Variants in PNKD observed in about 807,000 individuals in gnomAD.
PNKD encodes probable thioesterase PNKD.
PNKD carries 36 observed loss-of-function variants against 45.3 expected under a neutral mutation model. The observed-to-expected ratio is 0.80, with a 90% confidence interval of 0.61 to 1.05. PNKD has a LOEUF of 1.05. PNKD is among the 50% of genes least tolerant of loss of function. The probability of loss-of-function intolerance (pLI) is 0.00; values close to 1 mark genes in which losing one functional copy is unlikely to be tolerated. For missense variants in PNKD, 511 were observed against 506.6 expected (o/e 1.01, Z -0.08); for synonymous variants, 197 against 210.1 (o/e 0.94, Z 0.54).
intron 2 of PNKD, among the ~76,000 whole-genome samples, chr2:218,336,788 C>CTTTTTTTTTTTTTTTTTTTTTTT (rs71064439): frequency 1.0e-4 from 3 of 29,158 alleles, no homozygotes; most frequent in Non-Finnish European, 1.3e-4. Context: ...GCCTTCAATT[C>CTTTTTTTTTTTTTTTTTTTTTTT]TTTTTTTTTT....
intron 2 of PNKD, chr2:218,282,116 G>C: frequency 6.5e-7 from 1 of 1,530,186 alleles, no homozygotes; most frequent in Non-Finnish European, 8.8e-7. Context: ...GTCTTCATAT[G>C]GTGGTGGGGC....
chr2:218,325,957 G>A (rs997330527), intron 2 of PNKD, among the ~76,000 whole-genome samples: 1 of 152,132 alleles, frequency 6.6e-6, no homozygotes, highest in East Asian at 1.9e-4. Context: ...CAGTCCCCAG[G>A]GGGAGATGCT....
rs182438339 is a variant in PNKD, at chr2:218,328,495, G to T, written c.237-11288G>T. Among the ~76,000 whole-genome samples, 11 of 152,256 alleles carry T rather than the reference G, an allele frequency of 7.2e-5. No homozygotes were observed. In the East Asian group the frequency reaches 2.1e-3, roughly 29 times the overall value. On this transcript the variant is annotated intron_variant, in intron 2 of 9. Coordinates refer to ENST00000273077, the MANE Select transcript of PNKD (RefSeq NM_015488.5). The stretch of plus-strand genomic sequence containing the variant: ...CCCCAACCAGAATATGGCTACACAG[G>T]GGGAGAAACTTTGTTCAAGACTGTA...
At chr2:218,309,104 A>G (rs1029441940) in intron 2 of PNKD, among the ~76,000 whole-genome samples, 2 of 151,860 alleles carry the variant, frequency 1.3e-5, no homozygotes, top group Admixed American at 1.3e-4. Flanking sequence ...AAAATAAGAG[A>G]TCCTCCCACC....
At chr2:218,287,324 G>C (rs370635267) in intron 2 of PNKD, 2 of 152,328 alleles carry the variant, frequency 1.3e-5, no homozygotes, top group African/African-American at 4.8e-5. Context: ...CCCACTCTCT[G>C]AGTGATAGAC....
At chr2:218,277,003 C>T (rs150313254) in intron 2 of PNKD, 5 of 1,613,348 alleles carry the variant, frequency 3.1e-6, no homozygotes, top group East Asian at 2.2e-5. Flanking sequence ...GGGACACTCA[C>T]GTATTGGAAG....
At chr2:218,301,464 C>T (rs1447364851) in intron 2 of PNKD, among the ~76,000 whole-genome samples, 1 of 152,124 alleles carries the variant, frequency 6.6e-6, no homozygotes, top group African/African-American at 2.4e-5. Flanking sequence ...CACTAGGGGG[C>T]AGAGTCTGAC....
At chr2:218,321,165 A>G (rs1274821736) in intron 2 of PNKD, among the ~76,000 whole-genome samples, 2 of 152,210 alleles carry the variant, frequency 1.3e-5, no homozygotes, top group African/African-American at 4.8e-5. Flanking sequence ...ACAGGACTGC[A>G]TTTTAATTTC....
At chr2:218,334,303 A>G (rs1273943962) in intron 2 of PNKD, among the ~76,000 whole-genome samples, 1 of 151,906 alleles carries the variant, frequency 6.6e-6, no homozygotes, top group East Asian at 1.9e-4. Context: ...ACTCAAATTC[A>G]CTATTTTTCC....
At chr2:218,332,616 G>T (rs1694361219) in intron 2 of PNKD, among the ~76,000 whole-genome samples, 1 of 151,944 alleles carries the variant, frequency 6.6e-6, no homozygotes, top group South Asian at 2.1e-4. Flanking sequence ...AGCAAGGACT[G>T]CAACCTGTCC....
intron 2 of PNKD, among the ~76,000 whole-genome samples, chr2:218,335,791 T>C (rs1694471525): frequency 6.6e-6 from 1 of 152,140 alleles, no homozygotes; most frequent in Admixed American, 6.5e-5. Flanking sequence ...TTTACCTAAA[T>C]CATATCTACA....
chr2:218,283,755 G>A (rs1692254206), intron 2 of PNKD, among the ~76,000 whole-genome samples: 1 of 152,160 alleles, frequency 6.6e-6, no homozygotes, highest in South Asian at 2.1e-4. Context: ...TGGCAGGGAG[G>A]GTTGAGGAGG....
At chr2:218,282,403 C>T (rs1345426050) in intron 2 of PNKD, among the ~76,000 whole-genome samples, 2 of 152,252 alleles carry the variant, frequency 1.3e-5, no homozygotes, top group South Asian at 2.1e-4. Flanking sequence ...ACAGGCCTCT[C>T]ACTGTGCAGC....
chr2:218,343,643 G>A lies in PNKD; in HGVS notation c.868+57G>A, dbSNP rs374323858. 4 of 1,341,746 alleles carry A rather than the reference G, an allele frequency of 3.0e-6. No homozygotes were observed. In the African/African-American group the frequency reaches 5.8e-5, roughly 19 times the overall value. 83.1% of individuals were successfully genotyped at this position (1,341,746 alleles called of 1,614,324 possible). A position where few individuals can be genotyped will look rare whatever the true frequency, so the allele number is the denominator to read the frequency against. On this transcript the variant is annotated intron_variant, in intron 8 of 9. Transcript: ENST00000273077. ...CAGCCCCACGCTCAGCCTGGGACAAGGGCCTTCCCACCCCCTCACTCCCCT... is the reference window on the plus strand; with the variant it reads ...CAGCCCCACGCTCAGCCTGGGACAAAGGCCTTCCCACCCCCTCACTCCCCT...
chr2:218,281,155 A>T (rs1474674285), intron 2 of PNKD, among the ~76,000 whole-genome samples: 2 of 4,906 alleles, frequency 4.1e-4, no homozygotes, highest in Admixed American at 3.0e-3. Flanking sequence ...TTTTTTTGAG[A>T]CAGAGTCTTG....
rs781505065 is a variant in PNKD at position 218,344,556 on chromosome 2, G to T, written c.970G>T (p.Glu324Ter). The T allele has an allele frequency of 3.1e-6, 5 of 1,588,854 alleles. No homozygotes were observed. In the Admixed American group the frequency reaches 9.1e-5, roughly 29 times the overall value. ...GCAGTGGGTGCAGCGGCAGCGGCTG[G>T]AGCGCAAGGGCACGGTGAGGGACTC... is the stretch of plus-strand genomic sequence containing the variant. Reference protein sequence around the residue: ...KMQWVQRQRLERKGTCPSTLG... With the variant: ...KMQWVQRQRL Residue 324 changes from glutamate to a stop codon, truncating the protein, a stop_gained, in exon 9 of 10, where the codon GAG (glutamate) becomes TAG (stop). Coordinates refer to ENST00000273077, the MANE Select transcript of PNKD (RefSeq NM_015488.5). LOFTEE classifies it high-confidence loss of function.
At chr2:218,280,101 C>G in intron 2 of PNKD, 1 of 1,614,104 alleles carries the variant, frequency 6.2e-7, no homozygotes, top group Non-Finnish European at 8.5e-7. Context: ...CTGCTCTCTC[C>G]TCCCCATCAT....
chr2:218,272,489 G>A (rs1690882563), intron 2 of PNKD: 8 of 1,309,582 alleles, frequency 6.1e-6, no homozygotes, highest in Non-Finnish European at 7.7e-6. Flanking sequence ...TGCAACTGAT[G>A]AAGCTAGAAT....
At chr2:218,273,679 TG>T (rs1574619508) in intron 2 of PNKD, among the ~76,000 whole-genome samples, 1 of 150,726 alleles carries the variant, frequency 6.6e-6, no homozygotes, top group East Asian at 1.9e-4. Context: ...TTAGTAGAGA[TG>T]GGGTTTCACC....
Sources: gnomAD v4.1 joint callset for allele counts (sites outside exome capture counted in the v4.1 genomes callset) on GRCh38, gnomAD v4.1.1 for gene constraint, MANE v1.5 for transcripts, NCBI Gene and HGNC (gene_info 2026-07-23, HGNC 2026-07-21) for gene names.